The following CARNS1 variants were observed in gnomAD, a reference collection of about 807,000 sequenced individuals.
CARNS1 encodes carnosine synthase 1, also known as ATP-grasp domain containing 1.
CARNS1 carries 61 observed loss-of-function variants against 74.0 expected under a neutral mutation model. The ratio of observed to expected loss-of-function variants is 0.82; its 90% CI spans 0.67 to 1.02. CARNS1 has a LOEUF of 1.02. Ranked by LOEUF, CARNS1 falls within the 50% of genes least tolerant of loss-of-function variation. The pLI is 0.00. For missense variants in CARNS1, 1,278 were observed against 1,308.4 expected, an observed-to-expected ratio of 0.98 and a Z score of 0.36; for synonymous variants, 568 against 605.5, an observed-to-expected ratio of 0.94 and a Z score of 0.91.
intron 9 of CARNS1, among the ~76,000 whole-genome samples, chr11:67,422,349 A>C (rs1190841886): frequency 3.4e-5 from 5 of 149,078 alleles, no homozygotes; most frequent in Non-Finnish European, 1.5e-5. Context: ...ATGTCCGGCT[A>C]ATTTTTTATT....
Position 67,425,125 on chromosome 11 carries a change from C to T in CARNS1, c.*524C>T, listed in dbSNP as rs555110864. Reference sequence around the variant, plus strand: ...TTGGTGGCATCCAACCTGCCTCATTCGGCCTGACCGGTAGAGGCAGGTGGC... The same window carrying T: ...TTGGTGGCATCCAACCTGCCTCATTTGGCCTGACCGGTAGAGGCAGGTGGC... On this transcript the variant is annotated 3_prime_UTR_variant, in exon 10 of 10. Coordinates refer to ENST00000687366, the MANE Select transcript of CARNS1 (RefSeq NM_001166222.2). The T allele has an allele frequency of 3.5e-5, 16 of 456,076 alleles. No homozygotes were observed. Among genetic ancestry groups the T allele is most frequent in the South Asian group, 9.3e-5 (6 of 64,548 alleles). 28.3% of individuals were successfully genotyped at this position (456,076 alleles called of 1,614,324 possible). A position where few individuals can be genotyped will look rare whatever the true frequency, so the allele number is the denominator to read the frequency against.
chr11:67,417,361 C>T lies in CARNS1; in HGVS notation c.4-46C>T, dbSNP rs770912466. On this transcript the variant is annotated intron_variant, in intron 2 of 9. Transcript: ENST00000687366. ...TTACACCCTTGGGTGACTTAATGTG[C>T]CCACTGGCCCACCCTGCCCAAGACC... The T allele has an allele frequency of 1.6e-5, 21 of 1,289,668 alleles. No homozygotes were observed. The South Asian group carries it at 2.3e-4, about 14-fold the overall frequency. 79.9% of individuals were successfully genotyped at this position (1,289,668 alleles called of 1,614,324 possible). A position where few individuals can be genotyped will look rare whatever the true frequency, so the allele number is the denominator to read the frequency against.
intron 3 of CARNS1, among the ~76,000 whole-genome samples, chr11:67,418,005 C>G (rs1863591254): frequency 6.6e-6 from 1 of 152,124 alleles, no homozygotes; most frequent in African/African-American, 2.4e-5. Context: ...GCAGCTGAGA[C>G]CCCCCAGACT....
At chr11:67,417,740 T>G in intron 3 of CARNS1, 63 bp downstream of exon 3, 1 of 1,145,848 alleles carries the variant, frequency 8.7e-7, no homozygotes, top group Non-Finnish European at 1.1e-6. Context: ...CAGCCCAGTC[T>G]GCTTGCTCAT....
intron 3 of CARNS1, among the ~76,000 whole-genome samples, chr11:67,417,978 G>A (rs1863590270): frequency 1.3e-5 from 2 of 152,202 alleles, no homozygotes; most frequent in Non-Finnish European, 2.9e-5. Flanking sequence ...CTTGGGAGCT[G>A]TGGTGGAGGC....
rs1565135722 is a variant in CARNS1 at position 67,419,379 on chromosome 11, C to CTT, written c.853-108_853-107insTT. Reference sequence around the variant, plus strand: ...TGCCCTGCCCCATCTCTGGGGCAATCCCCTGCCCTTTTGCCTCAGTTTACT... The same window carrying CTT: ...TGCCCTGCCCCATCTCTGGGGCAATCTTCCCTGCCCTTTTGCCTCAGTTTACT... On this transcript the variant is annotated intron_variant, in intron 5 of 9. Transcript: ENST00000687366. 3 of 1,498,414 alleles carry CTT rather than the reference C, an allele frequency of 2.0e-6. No individual in the cohort carries two copies. In the Admixed American group the frequency reaches 6.1e-5, roughly 31 times the overall value. The allele number at this position is 1,498,414 out of a possible 1,614,324, so 92.8% of individuals were successfully genotyped here.
In CARNS1 at chr11:67,420,797, T is replaced by A; in HGVS notation, c.1302T>A (p.Ser434Arg). ...AAVLALEAGL[S>R]AEQRGGRRAH... The stretch of plus-strand genomic sequence containing the variant: ...TGCTGGCTCTGGAGGCCGGCCTGAG[T>A]GCCGAGCAGCGCGGCGGGCGCCGGG... Residue 434 changes from serine (S) to arginine (R), a missense_variant, in exon 8 of 10, where the codon AGT (serine) becomes AGA (arginine). By Grantham distance (110) the Ser-to-Arg change is moderately radical. Around this residue, in one of 3 missense-constraint regions of CARNS1, gnomAD observed 1,164 missense variants for 1,156.5 expected, o/e 1.01. Coordinates refer to ENST00000687366, the MANE Select transcript of CARNS1 (RefSeq NM_001166222.2). 4.1e-6 allele frequency: 5 copies of A among 1,231,978 alleles called. No homozygotes were observed. Among genetic ancestry groups the A allele is most frequent in the Non-Finnish European group, 5.1e-6 (5 of 989,288 alleles). The allele number at this position is 1,231,978 out of a possible 1,614,324, so 76.3% of individuals were successfully genotyped here.
chr11:67,422,755 T>C (rs1027589082), intron 9 of CARNS1, among the ~76,000 whole-genome samples: 3 of 152,240 alleles, frequency 2.0e-5, no homozygotes, highest in Non-Finnish European at 2.9e-5. Flanking sequence ...ACCACCTCTG[T>C]GTCCCCTGCC....
In CARNS1 at chr11:67,423,746, C is replaced by T. The variant is rs2135099963; in HGVS notation, c.1998C>T (p.His666=). 2 of 1,584,332 alleles carry T rather than the reference C, an allele frequency of 1.3e-6. No individual in the cohort carries two copies. The highest frequency in any genetic ancestry group is 1.8e-5 in the Admixed American group (1 of 56,424). ...AGGCTGATGTGGAGAGGGCCGTGCA[C>T]CAGGTACCCCTGCCAGGTGTCATGA... ...ESEADVERAV[H]QVPLPGVMKL... Residue 666 remains histidine (H), a synonymous_variant, in exon 10 of 10, where the codon CAC becomes CAT. Coordinates refer to ENST00000687366, the MANE Select transcript of CARNS1 (RefSeq NM_001166222.2). The surrounding 1 kb of genome is among the most constrained non-coding windows in gnomAD (Gnocchi z 5.1).
At position 67,423,654 on chromosome 11, in the gene CARNS1, C is replaced by T. The variant is rs371333066; in HGVS notation, c.1906C>T (p.His636Tyr). The stretch of plus-strand genomic sequence containing the variant: ...GAGCCTCACCCAGCTGCACCTGTTG[C>T]ACCACCATGGCCCACCCTGGCCTGC... ...QKSLTQLHLL[H>Y]HHGPPWPAPS... Residue 636 changes from histidine (H) to tyrosine (Y), a missense_variant, in exon 10 of 10, where the codon CAC becomes TAC. His to Tyr is a moderately conservative substitution (Grantham distance 83). Coordinates refer to ENST00000687366, the MANE Select transcript of CARNS1 (RefSeq NM_001166222.2). This position sits in a 1 kb window ranked among gnomAD's most constrained non-coding sequence, Gnocchi z 5.1. 46 of 1,605,904 alleles carry T rather than the reference C, an allele frequency of 2.9e-5. No individual in the cohort carries two copies. The highest frequency in any genetic ancestry group is 3.4e-5 in the Non-Finnish European group (40 of 1,177,830).
At chr11:67,422,733 C>A (rs1445864809) in intron 9 of CARNS1, among the ~76,000 whole-genome samples, 1 of 152,182 alleles carries the variant, frequency 6.6e-6, no homozygotes, top group Admixed American at 6.5e-5. Flanking sequence ...CCGTGCAGCA[C>A]CCCCTGTGGA....
rs1357062345 is a variant in CARNS1 at position 67,420,764 on chromosome 11, G to C, written c.1269G>C (p.Leu423=). The C allele has an allele frequency of 3.2e-6, 4 of 1,241,662 alleles. No individual in the cohort carries two copies. Among genetic ancestry groups the C allele is most frequent in the Non-Finnish European group, 3.0e-6 (3 of 995,832 alleles). 76.9% of individuals were successfully genotyped at this position (1,241,662 alleles called of 1,614,324 possible). Reference sequence around the variant, plus strand: ...TCAAGGCGGCGGCCGAGGCCGCGCTGGCCGCCGTGCTGGCTCTGGAGGCCG... The same window carrying C: ...TCAAGGCGGCGGCCGAGGCCGCGCTCGCCGCCGTGCTGGCTCTGGAGGCCG... ...QRVKAAAEAA[L]AAVLALEAGL... The change falls in exon 8 of 10, where the codon CTG becomes CTC. Residue 423 remains leucine, a synonymous_variant. Coordinates refer to ENST00000687366, the MANE Select transcript of CARNS1 (RefSeq NM_001166222.2).
chr11:67,423,914 G>A lies in CARNS1; in HGVS notation c.2166G>A (p.Met722Ile). ...TTGGGCTGGGCTGGGGCAATGCCAT[G>A]CTGCTGATGGAGTTTGTGGAGGGCA... is the stretch of plus-strand genomic sequence containing the variant. ...PGIGLGWGNAMLLMEFVEGTE... is the reference protein window; with the variant it reads ...PGIGLGWGNAILLMEFVEGTE... Residue 722 changes from methionine to isoleucine, a missense_variant, in exon 10 of 10, where the codon ATG becomes ATA. Physicochemically the swap from Met to Ile is conservative, Grantham distance 10. Transcript: ENST00000687366. This position sits in a 1 kb window ranked among gnomAD's most constrained non-coding sequence, Gnocchi z 5.1. The A allele has an allele frequency of 6.2e-7, 1 of 1,613,764 alleles. No individual in the cohort carries two copies. The highest frequency in any genetic ancestry group is 8.5e-7 in the Non-Finnish European group (1 of 1,179,888).
intron 9 of CARNS1, among the ~76,000 whole-genome samples, chr11:67,421,810 C>CTGTGA (rs1284370083): frequency 6.6e-6 from 1 of 152,172 alleles, no homozygotes; most frequent in African/African-American, 2.4e-5. Flanking sequence ...TCACTGCAGC[C>CTGTGA]TCGACTTCCT....
rs12277001 is a variant in CARNS1, at chr11:67,421,123, G to A, written c.1530G>A (p.Ala510=). 8.2e-3 allele frequency: 12,102 copies of A among 1,468,580 alleles called. 889 individuals are homozygous for A. The African/African-American group carries it at 0.16, about 19-fold the overall frequency. 91.0% of individuals were successfully genotyped at this position (1,468,580 alleles called of 1,614,324 possible). ...PLVETMLRRS[A]RCLMEGKQLL... ...TGGAGACCATGCTTCGGCGGTCGGC[G>A]CGCTGCCTCATGGAGGGAAAACAGC... The change falls in exon 9 of 10, where the codon GCG becomes GCA. Residue 510 remains alanine (A), a synonymous_variant. Coordinates refer to ENST00000687366, the MANE Select transcript of CARNS1 (RefSeq NM_001166222.2).
At chr11:67,415,899 C>T (rs1863533971) in intron 1 of CARNS1, 136 bp downstream of exon 1, 1 of 288,582 alleles carries the variant, frequency 3.5e-6, no homozygotes, top group Admixed American at 5.3e-5. Context: ...CCCCGGGACC[C>T]GGTGCCCCCA....
At position 67,423,630 on chromosome 11, in the gene CARNS1, A is replaced by G. The variant is rs1487621994; in HGVS notation, c.1882A>G (p.Ser628Gly). ...PAAMRLAKQK[S>G]LTQLHLLHHH... ...TGCCATGCGCCTGGCTAAGCAGAAG[A>G]GCCTCACCCAGCTGCACCTGTTGCA... Residue 628 changes from serine to glycine, a missense_variant, in exon 10 of 10, where the codon AGC (serine) becomes GGC (glycine). Physicochemically the swap from Ser to Gly is moderately conservative, Grantham distance 56 (BLOSUM62 0). Coordinates refer to ENST00000687366, the MANE Select transcript of CARNS1 (RefSeq NM_001166222.2). The surrounding 1 kb of genome is among the most constrained non-coding windows in gnomAD (Gnocchi z 5.1). 1 of 1,608,952 alleles carries G rather than the reference A, an allele frequency of 6.2e-7. No homozygotes were observed. Among genetic ancestry groups the G allele is most frequent in the Non-Finnish European group, 8.5e-7 (1 of 1,178,518 alleles).
intron 9 of CARNS1, among the ~76,000 whole-genome samples, chr11:67,422,094 G>A (rs968364270): frequency 1.3e-5 from 2 of 148,416 alleles, no homozygotes; most frequent in African/African-American, 2.5e-5. Context: ...GGATGGTCTC[G>A]ATCTCCTGAC....
chr11:67,420,469 T>G (rs1863665589), intron 7 of CARNS1, 140 bp from the exon 8 acceptor site: 2 of 451,144 alleles, frequency 4.4e-6, no homozygotes, highest in East Asian at 7.2e-5. Flanking sequence ...AGAGCTCGTG[T>G]GCAATTTAAG....
Sources: allele counts gnomAD v4.1 joint callset (sites outside exome capture counted in the v4.1 genomes callset), GRCh38; gene constraint gnomAD v4.1.1; regional missense constraint gnomAD v4.1.1; non-coding constraint Gnocchi (gnomAD v3.1); transcripts MANE v1.5; gene names NCBI Gene and HGNC (gene_info 2026-07-23, HGNC 2026-07-21).